WFDC5: variants seen among roughly 807,000 people sequenced by gnomAD.
WFDC5 encodes the protein WAP four-disulfide core domain protein 5.
In WFDC5, 15 loss-of-function variants were observed where a neutral mutation model predicts 15.7. The observed-to-expected ratio is 0.96, with a 90% CI of 0.64 to 1.47. The LOEUF is 1.47. Among genes scored for constraint, WFDC5 ranks in the 40% most tolerant of loss-of-function variants. WFDC5 has a pLI of 0.00. For missense variants in WFDC5, 280 were observed against 258.0 expected, an observed-to-expected ratio of 1.09 and a Z score of -0.59; for synonymous variants, 109 against 107.7, an observed-to-expected ratio of 1.01 and a Z score of -0.07.
chr20:45,111,849 G>C (rs2157360), intron 1 of WFDC5, among the ~76,000 whole-genome samples: 70,391 of 151,964 alleles, frequency 0.46, 16,698 homozygotes, highest in Middle Eastern at 0.54. Context: ...CTCTGTGAGT[G>C]TCCACCCTGA....
intron 1 of WFDC5, among the ~76,000 whole-genome samples, chr20:45,113,634 C>T (rs1431581543): frequency 2.0e-5 from 3 of 152,208 alleles, no homozygotes; most frequent in African/African-American, 7.2e-5. Context: ...GTCTCCAGAC[C>T]TGTCCTGTTG....
At chr20:45,110,841 G>T (rs1375683546) in intron 1 of WFDC5, 66 bp from the exon 2 acceptor site, 24 of 1,591,136 alleles carry the variant, frequency 1.5e-5, no homozygotes, top group Non-Finnish European at 2.0e-5. Context: ...GCGCTGACCT[G>T]GGAATGACAA....
rs1981721540 is a variant in WFDC5, at chr20:45,115,003, CT to C, written c.80del (p.Lys27ArgfsTer31). The C allele has an allele frequency of 1.2e-6, 2 of 1,613,686 alleles. No individual in the cohort carries two copies. Among genetic ancestry groups the C allele is most frequent in the Non-Finnish European group, 1.7e-6 (2 of 1,179,828 alleles). On this transcript the variant is annotated frameshift_variant, in exon 1 of 4. Transcript: ENST00000307971. LOFTEE classifies it high-confidence loss of function. Reference sequence around the variant, plus strand: ...AGAGGGATTTCCCGCACTCACCTCCCTTCTTCCTGCCAAAGACAGCAGGCAG... The same window carrying C: ...AGAGGGATTTCCCGCACTCACCTCCCTCTTCCTGCCAAAGACAGCAGGCAG...
exon 3 of WFDC5, chr20:45,110,449 C>T: frequency 6.2e-7 from 1 of 1,613,560 alleles, no homozygotes; most frequent in Non-Finnish European, 8.5e-7. Flanking sequence ...GGCAGCATCG[C>T]TTTTTGCCCG....
exon 4 of WFDC5, chr20:45,109,666 T>A (rs1981552872): frequency 1.5e-6 from 1 of 688,336 alleles, no homozygotes; most frequent in South Asian, 1.6e-5. Context: ...GAGGGAGAGG[T>A]CAGGGTCTGC....
chr20:45,111,602 T>C (rs1981623729), intron 1 of WFDC5, among the ~76,000 whole-genome samples: 1 of 152,218 alleles, frequency 6.6e-6, no homozygotes, highest in South Asian at 2.1e-4. Flanking sequence ...GTTTCGAGGA[T>C]CAGGCGTTAA....
At chr20:45,112,165 G>A (rs1763968754) in intron 1 of WFDC5, among the ~76,000 whole-genome samples, 1 of 152,220 alleles carries the variant, frequency 6.6e-6, no homozygotes, top group African/African-American at 2.4e-5. Flanking sequence ...TGGGTTTGGG[G>A]TGGTGGGGGT....
In WFDC5 at chr20:45,111,586, G is replaced by A. The variant is rs1251020307; in HGVS notation, c.86-811C>T. On this transcript the variant is annotated intron_variant, in intron 1 of 3. Transcript: ENST00000307971. ...CGTTGCGTTCATCACTGTTGCAAAT[G>A]GCATGGTTTCGAGGATCAGGCGTTA... is the stretch of plus-strand genomic sequence containing the variant. Among the ~76,000 whole-genome samples, 3 of 152,240 alleles carry A rather than the reference G, an allele frequency of 2.0e-5. No homozygotes were observed. In the East Asian group the frequency reaches 5.8e-4, roughly 29 times the overall value.
intron 1 of WFDC5, among the ~76,000 whole-genome samples, chr20:45,111,374 G>A (rs1444397374): frequency 2.0e-5 from 3 of 151,244 alleles, no homozygotes. Flanking sequence ...CTTGGCTGGA[G>A]GTGAGGAGAG....
At chr20:45,114,863 A>T in intron 1 of WFDC5, 136 bp downstream of exon 1, 7 of 840,524 alleles carry the variant, frequency 8.3e-6, no homozygotes, top group African/African-American at 1.7e-5. Flanking sequence ...ATCCACACAT[A>T]CACACACGCA....
At chr20:45,115,204 T>C (rs1981729991), upstream of WFDC5, 2 of 896,396 alleles carry the variant, frequency 2.2e-6, no homozygotes, top group Non-Finnish European at 3.3e-6. Context: ...CGTGCCTGCT[T>C]CATCTTGGCC....
rs1421823721 is a variant in WFDC5, at chr20:45,110,074, T to C, written c.394-61A>G. On this transcript the variant is annotated intron_variant, in intron 3 of 3. Transcript: ENST00000307971. The stretch of plus-strand genomic sequence containing the variant: ...ATAATAGGGCTCTGGTTTCTGGCCT[T>C]GGTCTCCCATCCATGCCCCACCAGC... The C allele has an allele frequency of 5.1e-6, 8 of 1,578,478 alleles. No individual in the cohort carries two copies. The East Asian group carries it at 1.8e-4, about 35-fold the overall frequency.
intron 1 of WFDC5, among the ~76,000 whole-genome samples, chr20:45,113,436 C>T (rs971203831): frequency 2.6e-5 from 4 of 152,194 alleles, no homozygotes; most frequent in African/African-American, 4.8e-5. Flanking sequence ...TGCGCAGGCT[C>T]GGTTTCTGCT....
chr20:45,113,592 A>AGAG (rs1217013601), intron 1 of WFDC5, among the ~76,000 whole-genome samples: 1 of 152,188 alleles, frequency 6.6e-6, no homozygotes. Context: ...CTCCTGAGAG[A>AGAG]GAGGCATGGG....
chr20:45,110,602 G>T (rs1981587648), intron 2 of WFDC5, 33 bp downstream of exon 2: 1 of 1,614,058 alleles, frequency 6.2e-7, no homozygotes, highest in African/African-American at 1.3e-5. Context: ...CTTGGGGCTT[G>T]GATGGTCAGC....
At chr20:45,115,192 A>T (rs961521859), upstream of WFDC5, 9 of 1,018,456 alleles carry the variant, frequency 8.8e-6, no homozygotes, top group Non-Finnish European at 1.3e-5. Context: ...GTGGAGTGAC[A>T]CCGTGCCTGC....
At chr20:45,115,214 C>T (rs557575992), upstream of WFDC5, 24 of 808,348 alleles carry the variant, frequency 3.0e-5, no homozygotes, top group Admixed American at 6.8e-4. Context: ...TCATCTTGGC[C>T]CCACCCCCTG....
chr20:45,114,947 A>C, intron 1 of WFDC5, 52 bp downstream of exon 1: 33 of 1,588,732 alleles, frequency 2.1e-5, no homozygotes, highest in Non-Finnish European at 2.8e-5. Context: ...TACTCTCCCT[A>C]GAGAAGTAGA....
At chr20:45,110,284 C>T in intron 3 of WFDC5, 116 bp downstream of exon 3, 1 of 1,492,140 alleles carries the variant, frequency 6.7e-7, no homozygotes, top group African/African-American at 1.4e-5. Flanking sequence ...CTAATCCTGG[C>T]CATGGGAGGT....
Sources: allele counts gnomAD v4.1 joint callset (sites outside exome capture counted in the v4.1 genomes callset), GRCh38; gene constraint gnomAD v4.1.1; transcripts MANE v1.5; gene names NCBI Gene and HGNC (gene_info 2026-07-23, HGNC 2026-07-21).